SUPT3H: variants seen among roughly 807,000 people sequenced by gnomAD.
The protein encoded by SUPT3H is SPT3 homolog, SAGA and STAGA complex component, also known as transcription initiation protein SPT3 homolog.
SUPT3H carries 44 observed loss-of-function variants against 44.3 expected under a neutral mutation model. That is an observed-to-expected ratio of 0.99 (90% CI 0.78 to 1.28). The LOEUF (loss-of-function observed/expected upper bound fraction) is 1.28. Among genes scored for constraint, SUPT3H ranks in the 50% most tolerant of loss-of-function variants. SUPT3H has a pLI of 0.00. For missense variants in SUPT3H, 380 were observed against 387.1 expected (o/e 0.98, Z 0.15); for synonymous variants, 124 against 125.6 (o/e 0.99, Z 0.09).
chr6:45,195,028 T>A (rs1815780749), intron 2 of SUPT3H, among the ~76,000 whole-genome samples: 1 of 152,112 alleles, frequency 6.6e-6, no homozygotes. Flanking sequence ...CTTGAGAGTT[T>A]GCAAATTTTC....
chr6:44,817,244 A>C (rs1034902528), intron 11 of SUPT3H, among the ~76,000 whole-genome samples: 9 of 152,282 alleles, frequency 5.9e-5, no homozygotes, highest in East Asian at 1.9e-4. Context: ...AAAAAAAAAA[A>C]AACTCATTGT....
At chr6:44,887,136 CAA>C (rs1762445882) in intron 10 of SUPT3H, among the ~76,000 whole-genome samples, 1 of 152,100 alleles carries the variant, frequency 6.6e-6, no homozygotes, top group African/African-American at 2.4e-5. Flanking sequence ...GTGTGACCAA[CAA>C]AGAGACTTAG....
chr6:45,348,423 T>C (rs1426220467), intron 2 of SUPT3H, among the ~76,000 whole-genome samples: 1 of 150,272 alleles, frequency 6.7e-6, no homozygotes, highest in African/African-American at 2.5e-5. Context: ...TCCCAGCACT[T>C]TGGGAGGCCG....
At chr6:45,061,734 C>A (rs1274044402) in intron 3 of SUPT3H, among the ~76,000 whole-genome samples, 1 of 142,312 alleles carries the variant, frequency 7.0e-6, no homozygotes, top group Non-Finnish European at 1.5e-5. Flanking sequence ...TCCATTATGA[C>A]TATATATATC....
chr6:45,243,160 TG>T (rs1374972407), intron 2 of SUPT3H, among the ~76,000 whole-genome samples: 2 of 120,752 alleles, frequency 1.7e-5, no homozygotes, highest in African/African-American at 6.7e-5. Context: ...ATCGTGCCAC[TG>T]CACTCCAGCC....
At chr6:45,050,997 G>C (rs1790209631) in intron 3 of SUPT3H, among the ~76,000 whole-genome samples, 1 of 147,610 alleles carries the variant, frequency 6.8e-6, no homozygotes, top group African/African-American at 2.5e-5. Flanking sequence ...CCATTCTCCT[G>C]ACTCAGCCTC....
At chr6:45,104,879 C>T (rs1251441107) in intron 3 of SUPT3H, among the ~76,000 whole-genome samples, 1 of 151,780 alleles carries the variant, frequency 6.6e-6, no homozygotes, top group Non-Finnish European at 1.5e-5. Flanking sequence ...TCTCAATAAA[C>T]ATACCAATGA....
chr6:45,052,950 A>T (rs1790529830), intron 3 of SUPT3H, among the ~76,000 whole-genome samples: 3 of 152,034 alleles, frequency 2.0e-5, no homozygotes, highest in African/African-American at 7.2e-5. Context: ...GAGAGGAAAA[A>T]GGAAGAGGGA....
intron 2 of SUPT3H, chr6:45,197,855 A>G (rs1159862366): frequency 5.9e-6 from 1 of 169,648 alleles, no homozygotes; most frequent in Admixed American, 6.5e-5. Context: ...TGCCATATTA[A>G]TCACCAAAAA....
At chr6:45,368,757 C>CA (rs1294066495) in intron 1 of SUPT3H, among the ~76,000 whole-genome samples, 2 of 152,096 alleles carry the variant, frequency 1.3e-5, no homozygotes, top group Non-Finnish European at 2.9e-5. Context: ...TGATTTTGAG[C>CA]ATCTACAGAG....
chr6:45,123,865 G>A lies in SUPT3H; in HGVS notation c.102-17859C>T, dbSNP rs150827620. Among the ~76,000 whole-genome samples the A allele has an allele frequency of 4.9e-4, 75 of 152,254 alleles. 1 individual carries two copies. Among genetic ancestry groups the A allele is most frequent in the Non-Finnish European group, 1.9e-4 (13 of 68,016 alleles). On this transcript the variant is annotated intron_variant, in intron 2 of 10. Coordinates refer to ENST00000371459, the MANE Select transcript of SUPT3H (RefSeq NM_003599.4). ...GAATGGTCACTGCAATCTGAATTCTGCATCTCACATAATTTCATCTCATGT... is the reference window on the plus strand; with the variant it reads ...GAATGGTCACTGCAATCTGAATTCTACATCTCACATAATTTCATCTCATGT...
At chr6:45,050,278 AGTGTGTGTGTGTGT>A in intron 3 of SUPT3H, among the ~76,000 whole-genome samples, 1 of 147,420 alleles carries the variant, frequency 6.8e-6, no homozygotes, top group East Asian at 2.0e-4. Flanking sequence ...CTTTTTCTGC[AGTGTGTGTGTGTGT>A]GTGTGTGTGT....
At chr6:45,318,147 C>T (rs1354970106) in intron 2 of SUPT3H, among the ~76,000 whole-genome samples, 3 of 151,878 alleles carry the variant, frequency 2.0e-5, no homozygotes, top group African/African-American at 7.3e-5. Context: ...TAAAAAGATC[C>T]GTTGTCACAA....
chr6:45,103,685 T>C (rs1382071480), intron 3 of SUPT3H, among the ~76,000 whole-genome samples: 1 of 152,138 alleles, frequency 6.6e-6, no homozygotes, highest in Admixed American at 6.6e-5. Flanking sequence ...CCTGAAAGTC[T>C]TGTGAAACAA....
intron 3 of SUPT3H, among the ~76,000 whole-genome samples, chr6:45,035,330 G>C (rs536339425): frequency 1.3e-5 from 2 of 152,104 alleles, no homozygotes; most frequent in Non-Finnish European, 2.9e-5. Flanking sequence ...CTGCACTTCA[G>C]GAGTGTGTAT....
intron 2 of SUPT3H, among the ~76,000 whole-genome samples, chr6:45,261,419 T>C (rs760341709): frequency 1.3e-5 from 2 of 151,690 alleles, no homozygotes; most frequent in Non-Finnish European, 2.9e-5. Flanking sequence ...TGGGTCAACA[T>C]ACGCAAATCG....
chr6:45,024,508 A>G (rs1318797539), intron 3 of SUPT3H, among the ~76,000 whole-genome samples: 2 of 152,148 alleles, frequency 1.3e-5, no homozygotes, highest in Non-Finnish European at 1.5e-5. Flanking sequence ...TCTAAATTCA[A>G]TGTGGTCTTT....
intron 2 of SUPT3H, among the ~76,000 whole-genome samples, chr6:45,303,478 AAAG>A (rs1782467743): frequency 5.3e-5 from 8 of 152,148 alleles, no homozygotes; most frequent in Admixed American, 5.2e-4. Flanking sequence ...ACAATTTTCA[AAAG>A]AAGATAGAGA....
At chr6:44,965,157 G>A (rs77052879) in intron 6 of SUPT3H, among the ~76,000 whole-genome samples, 89 of 152,222 alleles carry the variant, frequency 5.8e-4, no homozygotes, top group African/African-American at 2.0e-3. Context: ...AGCAAATGAC[G>A]TACAAGCTGG....
Sources: gnomAD v4.1 joint callset for allele counts (sites outside exome capture counted in the v4.1 genomes callset) on GRCh38, gnomAD v4.1.1 for gene constraint, MANE v1.5 for transcripts, NCBI Gene and HGNC (gene_info 2026-07-23, HGNC 2026-07-21) for gene names.